SAMD5: variants seen among roughly 807,000 people sequenced by gnomAD.
The protein encoded by SAMD5 is sterile alpha motif domain containing 5.
A neutral mutation model predicts 11.3 loss-of-function variants in SAMD5; 13 were observed. That is an observed-to-expected ratio of 1.15 (90% confidence interval 0.75 to 1.83). The LOEUF (loss-of-function observed/expected upper bound fraction) is 1.83. SAMD5 is among the 40% of genes most tolerant of loss of function. The pLI is 0.00. For missense variants in SAMD5, 255 were observed against 239.1 expected (o/e 1.07, Z -0.44); for synonymous variants, 129 against 111.3 (o/e 1.16, Z -1.00).
chr6:147,520,895 A>G (rs979196097), intron 1 of SAMD5, among the ~76,000 whole-genome samples: 14 of 152,162 alleles, frequency 9.2e-5, no homozygotes, highest in African/African-American at 3.4e-4. Flanking sequence ...ATCTCTTGGC[A>G]ATTTTCAAGT....
intron 1 of SAMD5, among the ~76,000 whole-genome samples, chr6:147,658,575 C>T (rs1293219959): frequency 6.6e-6 from 1 of 151,836 alleles, no homozygotes; most frequent in African/African-American, 2.4e-5. Context: ...TTCTGCTCAC[C>T]TATGTACTTA....
the SAMD5 span, among the ~76,000 whole-genome samples, chr6:147,852,947 C>A: frequency 2.0e-5 from 3 of 152,116 alleles, no homozygotes; most frequent in South Asian, 6.2e-4. Flanking sequence ...TTTTCATAGG[C>A]CCTTAAAACA....
the SAMD5 span, among the ~76,000 whole-genome samples, chr6:147,816,954 A>AT: frequency 6.6e-6 from 1 of 150,454 alleles, no homozygotes; most frequent in Non-Finnish European, 1.5e-5. Flanking sequence ...GAAAAAAAAA[A>AT]CAGGCAAAGA....
the SAMD5 span, among the ~76,000 whole-genome samples, chr6:147,750,170 T>C: frequency 4.6e-5 from 7 of 152,196 alleles, no homozygotes; most frequent in African/African-American, 1.7e-4. Flanking sequence ...CATTTGAACA[T>C]ATTGAGAGAT....
At chr6:147,787,331 TTC>T in the SAMD5 span, among the ~76,000 whole-genome samples, 1 of 152,200 alleles carries the variant, frequency 6.6e-6, no homozygotes, top group African/African-American at 2.4e-5. Flanking sequence ...CAAAGTGTAT[TTC>T]TCTCACCTGC....
At chr6:147,821,822 T>G in the SAMD5 span, among the ~76,000 whole-genome samples, 1 of 152,186 alleles carries the variant, frequency 6.6e-6, no homozygotes, top group Non-Finnish European at 1.5e-5. Flanking sequence ...CCACATTGTA[T>G]TTTATAAGTA....
chr6:147,778,910 G>A, the SAMD5 span, among the ~76,000 whole-genome samples: 2 of 151,770 alleles, frequency 1.3e-5, no homozygotes, highest in African/African-American at 2.4e-5. Context: ...CTGCCCCTGA[G>A]GAAGCAATGA....
At chr6:147,819,527 A>G in the SAMD5 span, among the ~76,000 whole-genome samples, 2 of 152,266 alleles carry the variant, frequency 1.3e-5, no homozygotes, top group Non-Finnish European at 2.9e-5. Context: ...ACTCACTGCA[A>G]GAAATATAGA....
chr6:147,774,783 A>G, the SAMD5 span, among the ~76,000 whole-genome samples: 9 of 152,186 alleles, frequency 5.9e-5, no homozygotes, highest in East Asian at 1.9e-4. Flanking sequence ...TGTGGAACCC[A>G]TGGTTGTGGA....
chr6:147,767,813 AG>A, the SAMD5 span, among the ~76,000 whole-genome samples: 12 of 152,324 alleles, frequency 7.9e-5, no homozygotes, highest in African/African-American at 2.6e-4. Flanking sequence ...TAACTAAGAC[AG>A]GAGGGATCAT....
At chr6:147,620,962 CTG>C (rs78040354) in intron 1 of SAMD5, among the ~76,000 whole-genome samples, 7,088 of 128,486 alleles carry the variant, frequency 0.055, 202 homozygotes, top group Middle Eastern at 0.1. Flanking sequence ...GTATGTGCCT[CTG>C]TGTGTGTGTG....
intron 1 of SAMD5, among the ~76,000 whole-genome samples, chr6:147,514,931 T>C (rs913438463): frequency 6.6e-6 from 1 of 152,080 alleles, no homozygotes; most frequent in Non-Finnish European, 1.5e-5. Flanking sequence ...AGTAGGAAGG[T>C]TTCTGTCACT....
the SAMD5 span, among the ~76,000 whole-genome samples, chr6:147,762,610 C>T: frequency 3.6e-4 from 55 of 152,240 alleles, no homozygotes; most frequent in South Asian, 1.0e-3. Context: ...TCTATAAACT[C>T]GTAAAAGTAG....
intron 1 of SAMD5, among the ~76,000 whole-genome samples, chr6:147,663,969 T>G (rs1790683115): frequency 6.6e-6 from 1 of 151,926 alleles, no homozygotes; most frequent in Non-Finnish European, 1.5e-5. Context: ...CGTCACATTT[T>G]TAGTTCTAAC....
At chr6:147,572,412 A>G (rs1348283949), downstream of SAMD5, among the ~76,000 whole-genome samples, 2 of 152,208 alleles carry the variant, frequency 1.3e-5, no homozygotes, top group Non-Finnish European at 2.9e-5. Flanking sequence ...AATTTTATAA[A>G]CTCAATTAGG....
At chr6:147,758,045 C>T in the SAMD5 span, among the ~76,000 whole-genome samples, 1 of 152,174 alleles carries the variant, frequency 6.6e-6, no homozygotes, top group African/African-American at 2.4e-5. Flanking sequence ...AGCACAGCCA[C>T]AGCCTGGGTT....
At chr6:147,685,222 A>G (rs1206551304) in intron 1 of SAMD5, among the ~76,000 whole-genome samples, 2 of 152,074 alleles carry the variant, frequency 1.3e-5, no homozygotes, top group Non-Finnish European at 2.9e-5. Context: ...TTTGAGATGG[A>G]GTCTCACTTT....
At position 147,565,238 on chromosome 6, in the gene SAMD5, A is replaced by G; in HGVS notation, c.*782A>G. ...ACTCTGTGGAGACTGCCAGGGCCGC[A>G]GCTCACAGCCTGTTCTGAGCTGCAG... On this transcript the variant is annotated 3_prime_UTR_variant, in exon 2 of 2. Coordinates refer to ENST00000367474, the MANE Select transcript of SAMD5 (RefSeq NM_001030060.3). 1.0e-6 allele frequency: 1 copy of G among 985,896 alleles called. No individual in the cohort carries two copies. Among genetic ancestry groups the G allele is most frequent in the South Asian group, 4.7e-5 (1 of 21,284 alleles). The allele number at this position is 985,896 out of a possible 1,614,324, so 61.1% of individuals were successfully genotyped here. A position where few individuals can be genotyped will look rare whatever the true frequency, so the allele number is the denominator to read the frequency against.
the SAMD5 span, among the ~76,000 whole-genome samples, chr6:147,918,169 A>T: frequency 6.6e-6 from 1 of 152,152 alleles, no homozygotes; most frequent in Non-Finnish European, 1.5e-5. Context: ...GACCATTTTC[A>T]TGATATTGAT....
Sources: allele counts gnomAD v4.1 joint callset (sites outside exome capture counted in the v4.1 genomes callset), GRCh38; gene constraint gnomAD v4.1.1; transcripts MANE v1.5; gene names NCBI Gene and HGNC (gene_info 2026-07-23, HGNC 2026-07-21).